EBF4: variants seen among roughly 807,000 people sequenced by gnomAD.
EBF4 encodes EBF transcription factor 4.
In EBF4, 34 loss-of-function variants were observed where a neutral mutation model predicts 67.1. The ratio of observed to expected loss-of-function variants is 0.51; its 90% CI spans 0.39 to 0.67. EBF4 has a LOEUF of 0.67. Among genes scored for constraint, EBF4 ranks in the 30% least tolerant of loss-of-function variants. EBF4 has a pLI of 0.00. For synonymous variants in EBF4, 387 were observed against 377.7 expected (o/e 1.02, Z -0.29); for missense variants, 837 against 873.3 (o/e 0.96, Z 0.52).
intron 4 of EBF4, among the ~76,000 whole-genome samples, chr20:2,706,707 A>G (rs1252730158): frequency 6.6e-6 from 1 of 152,158 alleles, no homozygotes; most frequent in East Asian, 1.9e-4. Context: ...AACCACTCCT[A>G]AGGGTAGCAC....
At chr20:2,740,324 AG>A (rs2146472207) in intron 6 of EBF4, among the ~76,000 whole-genome samples, 1 of 151,826 alleles carries the variant, frequency 6.6e-6, no homozygotes, top group African/African-American at 2.4e-5. Flanking sequence ...AAAAAAAAAT[AG>A]ATTTATGTTA....
In EBF4 at chr20:2,707,389, T is replaced by C. The variant is rs2092294277; in HGVS notation, c.415-558T>C. Among the ~76,000 whole-genome samples, 1 of 152,034 alleles carries C rather than the reference T, an allele frequency of 6.6e-6. No individual in the cohort carries two copies. The highest frequency in any genetic ancestry group is 1.5e-5 in the Non-Finnish European group (1 of 67,984). On this transcript the variant is annotated intron_variant, in intron 4 of 16. Transcript: ENST00000609451. The surrounding 1 kb of genome is among the most constrained non-coding windows in gnomAD (Gnocchi z 4.6). ...GGCTGGAAGACTGGTGAGGAGGTGA[T>C]GCAGCAGTCCCAGGGGAAGACCGAG...
chr20:2,734,686 G>A (rs1160101698), intron 6 of EBF4, among the ~76,000 whole-genome samples: 1 of 152,208 alleles, frequency 6.6e-6, no homozygotes, highest in East Asian at 1.9e-4. Context: ...TTCCTGTCAT[G>A]TATAATCACT....
chr20:2,749,817 G>A, intron 9 of EBF4, 30 bp from the exon 10 acceptor site: 1 of 1,543,888 alleles, frequency 6.5e-7, no homozygotes, highest in South Asian at 1.2e-5. Flanking sequence ...GCCGGTGCGG[G>A]ACCTGCAGGC....
At chr20:2,711,179 A>AATAATAATAATAATAATAAAATT (rs962080100) in intron 6 of EBF4, among the ~76,000 whole-genome samples, 46 of 149,660 alleles carry the variant, frequency 3.1e-4, no homozygotes, top group Middle Eastern at 3.5e-3. Flanking sequence ...TAATAATAAT[A>AATAATAATAATAATAATAAAATT]AAATTAAATT....
chr20:2,705,977 C>G lies in EBF4; in HGVS notation c.298C>G (p.Pro100Ala), dbSNP rs761065024. 9 of 1,551,216 alleles carry G rather than the reference C, an allele frequency of 5.8e-6. No homozygotes were observed. In the African/African-American group the frequency reaches 9.6e-5, roughly 17 times the overall value. The change falls in exon 3 of 17, where the codon CCC becomes GCC. Residue 100 changes from proline to alanine, a missense_variant. This residue lies in a region of EBF4 where 226 missense variants were observed against 306.5 expected (regional missense o/e 0.74). Coordinates refer to ENST00000609451, the Ensembl canonical transcript of EBF4. ...TCCTCCCATCTTGTCCCTGCAGGAG[C>G]CCGGGGCGGAAAAGACTAACAATGG...
At chr20:2,736,315 G>C (rs1412978177) in intron 6 of EBF4, among the ~76,000 whole-genome samples, 3 of 152,110 alleles carry the variant, frequency 2.0e-5, no homozygotes, top group Admixed American at 2.0e-4. Flanking sequence ...GACACTATTG[G>C]AATAGTTTAG....
intron 6 of EBF4, among the ~76,000 whole-genome samples, 164 bp downstream of exon 6, chr20:2,709,806 G>A (rs1436552842): frequency 6.6e-6 from 1 of 151,924 alleles, no homozygotes; most frequent in African/African-American, 2.4e-5. Context: ...GCACCAGGGA[G>A]CCTCCAGCCG....
chr20:2,757,965 GTAAA>G (rs1035405554), intron 15 of EBF4, among the ~76,000 whole-genome samples: 35 of 152,126 alleles, frequency 2.3e-4, no homozygotes, highest in East Asian at 9.6e-4. Context: ...CAGTAAATAA[GTAAA>G]TAAATAAATA....
intron 6 of EBF4, among the ~76,000 whole-genome samples, chr20:2,744,304 T>G (rs1324849618): frequency 1.3e-5 from 2 of 151,920 alleles, no homozygotes; most frequent in Non-Finnish European, 2.9e-5. Flanking sequence ...CATTTGTATC[T>G]TATCAGTTTT....
chr20:2,719,605 A>G (rs2087653870), intron 6 of EBF4, among the ~76,000 whole-genome samples: 1 of 152,072 alleles, frequency 6.6e-6, no homozygotes, highest in African/African-American at 2.4e-5. Flanking sequence ...AGGTCTCACC[A>G]TGTTTTCCAT....
intron 14 of EBF4, among the ~76,000 whole-genome samples, chr20:2,753,016 T>G (rs989048085): frequency 6.6e-6 from 1 of 152,090 alleles, no homozygotes; most frequent in Admixed American, 6.5e-5. Context: ...AGAGGCCAGG[T>G]GGGCGTGGGG....
intron 6 of EBF4, among the ~76,000 whole-genome samples, chr20:2,730,733 C>T: frequency 6.6e-6 from 1 of 152,342 alleles, no homozygotes. Context: ...GGCCTGTCCA[C>T]CCTCTGCAAA....
chr20:2,706,288 AG>A lies in EBF4; in HGVS notation c.414+26del, dbSNP rs141378254. ...AGGTGAGTCAGCGCAGAGGGTGCTG[AG>A]GCCCATCTCACTCTCTTCCCGGACC... On this transcript the variant is annotated intron_variant, in intron 4 of 16. Coordinates refer to ENST00000609451, the Ensembl canonical transcript of EBF4. 2.6e-3 allele frequency: 4,097 copies of A among 1,551,766 alleles called. 96 individuals are homozygous for A. In the African/African-American group the frequency reaches 0.049, roughly 19 times the overall value.
intron 6 of EBF4, among the ~76,000 whole-genome samples, chr20:2,731,857 G>T (rs1283596679): frequency 2.0e-5 from 3 of 152,176 alleles, no homozygotes; most frequent in Non-Finnish European, 4.4e-5. Context: ...GAATTCTTAG[G>T]AATAGAGCTA....
intron 6 of EBF4, among the ~76,000 whole-genome samples, chr20:2,741,994 C>A (rs1319528661): frequency 6.6e-6 from 1 of 152,162 alleles, no homozygotes; most frequent in Non-Finnish European, 1.5e-5. Flanking sequence ...CTCTGCAACC[C>A]TGTTGAATTT....
In EBF4 at chr20:2,706,204, C is replaced by T. The variant is rs1482209464; in HGVS notation, c.359-5C>T. The T allele has an allele frequency of 6.4e-7, 1 of 1,552,168 alleles. No individual in the cohort carries two copies. Among genetic ancestry groups the T allele is most frequent in the African/African-American group, 1.4e-5 (1 of 73,160 alleles). On this transcript the variant is annotated splice_polypyrimidine_tract_variant and splice_region_variant and intron_variant, in intron 3 of 16. Coordinates refer to ENST00000609451, the Ensembl canonical transcript of EBF4. ...CAGCAAGCCCTCTCCATCTTCCCAT[C>T]CTAGGACTGCGGACAGAGCAAGACC... is the stretch of plus-strand genomic sequence containing the variant.
chr20:2,699,544 G>A (rs912368440), intron 1 of EBF4, among the ~76,000 whole-genome samples: 2 of 152,222 alleles, frequency 1.3e-5, no homozygotes, highest in African/African-American at 4.8e-5. Context: ...ATGTCCCACT[G>A]CCTCAGGACA....
chr20:2,725,542 T>C (rs1429814595), intron 6 of EBF4, among the ~76,000 whole-genome samples: 1 of 152,248 alleles, frequency 6.6e-6, no homozygotes, highest in East Asian at 1.9e-4. Context: ...TCCTTGGGGC[T>C]TTAAATCTGT....
Sources: allele counts gnomAD v4.1 joint callset (sites outside exome capture counted in the v4.1 genomes callset), GRCh38; gene constraint gnomAD v4.1.1; regional missense constraint gnomAD v4.1.1; non-coding constraint Gnocchi (gnomAD v3.1); transcripts MANE v1.5; gene names NCBI Gene and HGNC (gene_info 2026-07-23, HGNC 2026-07-21).